ARHGAP8: variants seen among roughly 807,000 people sequenced by gnomAD.
The protein encoded by ARHGAP8 is rho GTPase-activating protein 8.
ARHGAP8 carries 62 observed loss-of-function variants against 46.1 expected under a neutral mutation model. The observed-to-expected ratio is 1.34, with a 90% confidence interval of 1.10 to 1.66. The LOEUF (loss-of-function observed/expected upper bound fraction) is 1.66, where lower values mean the gene tolerates loss of function less well. Ranked by LOEUF, ARHGAP8 falls within the 40% of genes most tolerant of loss-of-function variation. The pLI, the probability that ARHGAP8 is intolerant of heterozygous loss-of-function variation, is 0.00. For missense variants in ARHGAP8, 923 were observed against 568.4 expected (o/e 1.62, Z -6.34); for synonymous variants, 375 against 243.1 (o/e 1.54, Z -5.05).
At chr22:44,765,232 G>C (rs967171216) in intron 1 of ARHGAP8, 1 of 152,366 alleles carries the variant, frequency 6.6e-6, no homozygotes, top group South Asian at 2.1e-4. Context: ...TCGTGTCACT[G>C]TCTCCTGCAA....
intron 9 of ARHGAP8, among the ~76,000 whole-genome samples, chr22:44,848,574 G>A (rs993632963): frequency 2.0e-5 from 3 of 152,206 alleles, no homozygotes; most frequent in Admixed American, 6.5e-5. Context: ...AGGTCTGCAC[G>A]GGGCCCAGCT....
chr22:44,862,525 C>G lies in ARHGAP8; in HGVS notation c.1232C>G (p.Thr411Arg), dbSNP rs780382983. The G allele has an allele frequency of 6.2e-7, 1 of 1,610,954 alleles. No individual in the cohort carries two copies. Among genetic ancestry groups the G allele is most frequent in the African/African-American group, 1.3e-5 (1 of 74,998 alleles). Residue 411 changes from threonine to arginine, a missense_variant, in exon 12 of 12, where the codon ACA (threonine) becomes AGA (arginine). Coordinates refer to ENST00000356099, the MANE Select transcript of ARHGAP8 (RefSeq NM_181335.3). ...AAPLQEAVPR[T>R]QATGLTKPTL... Reference sequence around the variant, plus strand: ...CCTTTGCAGGAGGCTGTGCCACGGACACAAGCCACGGGCCTCACCAAGCCT... The same window carrying G: ...CCTTTGCAGGAGGCTGTGCCACGGAGACAAGCCACGGGCCTCACCAAGCCT...
At chr22:44,788,264 G>A (rs896437914) in intron 2 of ARHGAP8, among the ~76,000 whole-genome samples, 6 of 151,824 alleles carry the variant, frequency 4.0e-5, no homozygotes, top group African/African-American at 1.5e-4. Context: ...GATTACAGGC[G>A]CCTGCCACCA....
chr22:44,770,120 T>C (rs1406001850), intron 1 of ARHGAP8, among the ~76,000 whole-genome samples: 1 of 152,128 alleles, frequency 6.6e-6, no homozygotes, highest in East Asian at 1.9e-4. Flanking sequence ...GGTGTGCACC[T>C]GTAATCCCAG....
chr22:44,800,217 C>T (rs910940605), intron 2 of ARHGAP8, among the ~76,000 whole-genome samples: 3 of 151,402 alleles, frequency 2.0e-5, no homozygotes, highest in African/African-American at 7.3e-5. Context: ...CATTCTCCTG[C>T]CTCAGCCTCC....
chr22:44,792,846 T>G (rs1285001202), intron 2 of ARHGAP8, among the ~76,000 whole-genome samples: 1 of 150,968 alleles, frequency 6.6e-6, no homozygotes, highest in African/African-American at 2.4e-5. Flanking sequence ...TTTTTTGAGA[T>G]GAAGTCTTAC....
At chr22:44,836,521 G>A (rs571220749) in intron 7 of ARHGAP8, among the ~76,000 whole-genome samples, 35 of 151,628 alleles carry the variant, frequency 2.3e-4, no homozygotes, top group Admixed American at 3.9e-4. Context: ...CAGTGAGTGG[G>A]CTTTAGTATT....
intron 5 of ARHGAP8, among the ~76,000 whole-genome samples, chr22:44,819,012 C>A (rs1305498717): frequency 6.6e-6 from 1 of 152,006 alleles, no homozygotes; most frequent in African/African-American, 2.4e-5. Flanking sequence ...ATAGGGCCTG[C>A]CAGGCAAATA....
chr22:44,832,968 AACACAC>A (rs56982617), intron 7 of ARHGAP8, among the ~76,000 whole-genome samples: 2 of 149,548 alleles, frequency 1.3e-5, no homozygotes, highest in East Asian at 1.9e-4. Flanking sequence ...GTCTATTAAA[AACACAC>A]ACACACACAC....
intron 7 of ARHGAP8, among the ~76,000 whole-genome samples, chr22:44,835,578 G>A (rs991388042): frequency 3.9e-5 from 6 of 152,172 alleles, no homozygotes; most frequent in African/African-American, 7.2e-5. Flanking sequence ...CCAAGATCGC[G>A]CCACTGCACT....
intron 1 of ARHGAP8, among the ~76,000 whole-genome samples, chr22:44,769,348 CTGTCCTGATTAG>C: frequency 1.3e-5 from 2 of 152,336 alleles, no homozygotes; most frequent in Middle Eastern, 6.8e-3. Context: ...CAACCTCATG[CTGTCCTGATTAG>C]TGTAGCTTTA....
At chr22:44,788,112 ATTATTATT>A (rs1285564025) in intron 2 of ARHGAP8, among the ~76,000 whole-genome samples, 2 of 149,302 alleles carry the variant, frequency 1.3e-5, no homozygotes, top group Non-Finnish European at 3.0e-5. Context: ...TATTATTATT[ATTATTATT>A]TTATTATTGT....
chr22:44,808,992 A>AT (rs113395729), intron 4 of ARHGAP8: 34,603 of 402,550 alleles, frequency 0.086, 1,467 homozygotes, highest in African/African-American at 0.16. Flanking sequence ...TAATTTTTGT[A>AT]TTTTTTTTTG....
intron 9 of ARHGAP8, 142 bp from the exon 10 acceptor site, chr22:44,848,790 C>T: frequency 6.9e-7 from 1 of 1,454,968 alleles, no homozygotes; most frequent in Non-Finnish European, 9.2e-7. Flanking sequence ...TAGGTGGGGA[C>T]AGCATCATCC....
At chr22:44,808,937 C>T in intron 4 of ARHGAP8, 1 of 372,494 alleles carries the variant, frequency 2.7e-6, no homozygotes, top group South Asian at 2.0e-5. Flanking sequence ...CTTGCCTCAG[C>T]CTCCTGAGTA....
At chr22:44,818,912 T>G (rs1394834644) in intron 5 of ARHGAP8, among the ~76,000 whole-genome samples, 1 of 152,188 alleles carries the variant, frequency 6.6e-6, no homozygotes, top group East Asian at 1.9e-4. Context: ...TTGCCCAGGC[T>G]GGACTGGAAC....
chr22:44,825,653 C>A, intron 7 of ARHGAP8, 60 bp downstream of exon 7: 1 of 1,529,078 alleles, frequency 6.5e-7, no homozygotes, highest in Non-Finnish European at 8.8e-7. Flanking sequence ...CTGTGGGGCG[C>A]TTCTGGGTCC....
intron 7 of ARHGAP8, among the ~76,000 whole-genome samples, chr22:44,831,286 T>A (rs189840570): frequency 6.6e-6 from 1 of 152,362 alleles, no homozygotes; most frequent in Admixed American, 6.5e-5. Context: ...TCCAAGAGTT[T>A]TACCACTTAG....
rs1407456548 is a variant in ARHGAP8 at position 44,854,047 on chromosome 22, A to T, written c.877+4987A>T. Among the ~76,000 whole-genome samples, 9 of 147,060 alleles carry T rather than the reference A, an allele frequency of 6.1e-5. 1 individual carries two copies. The highest frequency in any genetic ancestry group is 2.0e-4 in the African/African-American group (8 of 39,614). ...CTCAAAAAAAAAAAAAAAAAAAAAA[A>T]AAAAAAAAAAAAAAACCATCAGACT... On this transcript the variant is annotated intron_variant, in intron 10 of 11. Transcript: ENST00000356099.
Sources: gnomAD v4.1 joint callset for allele counts (sites outside exome capture counted in the v4.1 genomes callset) on GRCh38, gnomAD v4.1.1 for gene constraint, MANE v1.5 for transcripts, NCBI Gene and HGNC (gene_info 2026-07-23, HGNC 2026-07-21) for gene names.